COMMD1: variants seen among roughly 807,000 people sequenced by gnomAD.
The protein encoded by COMMD1 is COMM domain-containing protein 1.
COMMD1 carries 10 observed loss-of-function variants against 17.2 expected under a neutral mutation model. That is an observed-to-expected ratio of 0.58 (90% CI 0.36 to 0.99). COMMD1 has a LOEUF of 0.99. COMMD1 is among the 50% of genes least tolerant of loss of function. The pLI is 0.01. For synonymous variants in COMMD1, 97 were observed against 91.6 expected (o/e 1.06, Z -0.34); for missense variants, 270 against 231.8 (o/e 1.17, Z -1.07).
At chr2:62,132,666 G>A (rs113519995) in intron 2 of COMMD1, among the ~76,000 whole-genome samples, 16 of 152,050 alleles carry the variant, frequency 1.1e-4, no homozygotes, top group African/African-American at 3.6e-4. Flanking sequence ...CCAACATGAC[G>A]ACACCCTGTC....
intron 2 of COMMD1, among the ~76,000 whole-genome samples, chr2:62,065,335 T>C (rs932752516): frequency 7.4e-6 from 1 of 135,334 alleles, no homozygotes; most frequent in Non-Finnish European, 1.5e-5. Flanking sequence ...TTATATGTAC[T>C]TACTTTTTTT....
rs532455352 is a variant in COMMD1, at chr2:62,079,349, C to T, written c.463-56482C>T. ...GGGGATGTGCTCTGCTACAAGCATT[C>T]GTTCTTAATTACTGTATTTTGCAAG... On this transcript the variant is annotated intron_variant, in intron 2 of 2. Transcript: ENST00000311832. 1.2e-4 allele frequency among the ~76,000 whole-genome samples: 19 copies of T among 152,286 alleles called. No individual in the cohort carries two copies. The South Asian group carries it at 1.9e-3, about 15-fold the overall frequency.
chr2:62,054,678 G>A lies in COMMD1; in HGVS notation c.462+53696G>A, dbSNP rs138951451. Among the ~76,000 whole-genome samples, 14 of 152,236 alleles carry A rather than the reference G, an allele frequency of 9.2e-5. No individual in the cohort carries two copies. The East Asian group carries it at 2.7e-3, about 29-fold the overall frequency. The stretch of plus-strand genomic sequence containing the variant: ...AATGTGTTCAGGTGAATGTAGAGAG[G>A]TGGATAGATAATGGAGACCTGGAAG... On this transcript the variant is annotated intron_variant, in intron 2 of 2. Coordinates refer to ENST00000311832, the MANE Select transcript of COMMD1 (RefSeq NM_152516.4).
chr2:61,902,317 C>T (rs1669673659), upstream of COMMD1, among the ~76,000 whole-genome samples: 1 of 151,324 alleles, frequency 6.6e-6, no homozygotes, highest in African/African-American at 2.4e-5. Flanking sequence ...ACCAGCGTGC[C>T]CAAGATGGTG....
chr2:62,133,465 TG>T (rs1673100082), intron 2 of COMMD1, among the ~76,000 whole-genome samples: 1 of 150,932 alleles, frequency 6.6e-6, no homozygotes, highest in Admixed American at 6.6e-5. Context: ...CAAATTAAAC[TG>T]ACAAAAGATT....
chr2:62,079,291 T>G (rs1573157200), intron 2 of COMMD1, among the ~76,000 whole-genome samples: 1 of 152,194 alleles, frequency 6.6e-6, no homozygotes, highest in Non-Finnish European at 1.5e-5. Context: ...CTGGGTACAG[T>G]GCTTGTTTAT....
At chr2:61,997,700 A>G (rs1182316468) in intron 1 of COMMD1, among the ~76,000 whole-genome samples, 3 of 152,234 alleles carry the variant, frequency 2.0e-5, no homozygotes, top group Middle Eastern at 3.4e-3. Flanking sequence ...ATTTAACATC[A>G]TTCTTAAGGG....
chr2:61,950,574 A>G (rs1030083402), intron 1 of COMMD1, among the ~76,000 whole-genome samples: 1 of 152,240 alleles, frequency 6.6e-6, no homozygotes, highest in African/African-American at 2.4e-5. Flanking sequence ...AGGAATGCTA[A>G]GGTCACTTTT....
chr2:62,110,163 C>T (rs1019252741), intron 2 of COMMD1, among the ~76,000 whole-genome samples: 70 of 152,058 alleles, frequency 4.6e-4, no homozygotes, highest in African/African-American at 1.6e-3. Flanking sequence ...CAGCCTTGAC[C>T]TCCTGGGGTT....
intron 2 of COMMD1, among the ~76,000 whole-genome samples, chr2:62,079,080 A>G (rs936296434): frequency 1.3e-5 from 2 of 152,152 alleles, no homozygotes; most frequent in African/African-American, 4.8e-5. Context: ...TTCACGTTAA[A>G]TTTTAAAAGT....
intron 2 of COMMD1, among the ~76,000 whole-genome samples, chr2:62,052,570 A>G (rs887066864): frequency 6.6e-6 from 1 of 152,212 alleles, no homozygotes. Context: ...GTAAAGGTAC[A>G]TATCTCCTGA....
intron 2 of COMMD1, among the ~76,000 whole-genome samples, chr2:62,012,819 G>A (rs1286343685): frequency 6.6e-6 from 1 of 152,140 alleles, no homozygotes; most frequent in Non-Finnish European, 1.5e-5. Context: ...CTCATCTGAG[G>A]AGCTTAAAAA....
At chr2:61,942,645 T>C (rs1164818855) in intron 1 of COMMD1, among the ~76,000 whole-genome samples, 1 of 151,506 alleles carries the variant, frequency 6.6e-6, no homozygotes, top group East Asian at 1.9e-4. Flanking sequence ...GTTCAAGTGA[T>C]TCTCATACCT....
chr2:62,077,941 A>C (rs957827877), intron 2 of COMMD1, among the ~76,000 whole-genome samples: 10 of 152,098 alleles, frequency 6.6e-5, no homozygotes, highest in Non-Finnish European at 1.5e-4. Context: ...GAGTTTATAT[A>C]AAGACCTGGG....
chr2:62,091,710 C>A (rs912858738), intron 2 of COMMD1, among the ~76,000 whole-genome samples: 1 of 152,098 alleles, frequency 6.6e-6, no homozygotes, highest in African/African-American at 2.4e-5. Context: ...GCCACAAGCA[C>A]GGGGCTGGTG....
intron 2 of COMMD1, among the ~76,000 whole-genome samples, chr2:62,062,416 C>T (rs1258553722): frequency 2.0e-5 from 3 of 151,562 alleles, no homozygotes; most frequent in African/African-American, 7.3e-5. Context: ...TTAATAGAGA[C>T]GGGGTTTCAC....
intron 2 of COMMD1, among the ~76,000 whole-genome samples, chr2:62,050,276 CTTTT>C (rs948562522): frequency 1.3e-5 from 2 of 152,000 alleles, no homozygotes; most frequent in African/African-American, 4.8e-5. Flanking sequence ...GACTTTCTGG[CTTTT>C]TATTTATTTG....
chr2:62,023,461 T>G (rs1332439097), intron 2 of COMMD1, among the ~76,000 whole-genome samples: 1 of 151,970 alleles, frequency 6.6e-6, no homozygotes, highest in Non-Finnish European at 1.5e-5. Flanking sequence ...TCTACAAATA[T>G]TTATATATGC....
chr2:61,940,266 C>T (rs1670708865), intron 1 of COMMD1, among the ~76,000 whole-genome samples: 1 of 152,154 alleles, frequency 6.6e-6, no homozygotes, highest in African/African-American at 2.4e-5. Flanking sequence ...TGTCAAAGGG[C>T]AGATTTACCT....
Sources: allele counts gnomAD v4.1 joint callset (sites outside exome capture counted in the v4.1 genomes callset), GRCh38; gene constraint gnomAD v4.1.1; transcripts MANE v1.5; gene names NCBI Gene and HGNC (gene_info 2026-07-23, HGNC 2026-07-21).